Variants in ADCY3 observed in about 807,000 individuals in gnomAD.
ADCY3 encodes the protein adenylate cyclase type 3.
A neutral mutation model predicts 119.4 loss-of-function variants in ADCY3; 70 were observed. The observed-to-expected ratio is 0.59, with a 90% confidence interval of 0.48 to 0.72. ADCY3 has a LOEUF of 0.72. Among genes scored for constraint, ADCY3 ranks in the 30% least tolerant of loss-of-function variants. The pLI is 0.00. For missense variants in ADCY3, 1,238 were observed against 1,541.6 expected, an observed-to-expected ratio of 0.80 and a Z score of 3.30; for synonymous variants, 672 against 621.4, an observed-to-expected ratio of 1.08 and a Z score of -1.21.
intron 3 of ADCY3, among the ~76,000 whole-genome samples, chr2:24,860,414 G>A (rs1174624858): frequency 2.6e-5 from 4 of 152,270 alleles, no homozygotes; most frequent in African/African-American, 9.6e-5. Context: ...GAAGCGCCAT[G>A]GCACTGCCTG....
chr2:24,845,138 C>A lies in ADCY3; in HGVS notation c.826-2754G>T, dbSNP rs564454843. ...TTTTTCTTCCCAGTCTCAGGTATGT[C>A]TTTATCAGCAGCGTGAAAACGGACT... On this transcript the variant is annotated intron_variant, in intron 3 of 21. Coordinates refer to ENST00000679454, the MANE Select transcript of ADCY3 (RefSeq NM_004036.5). Among the ~76,000 whole-genome samples the A allele has an allele frequency of 2.1e-4, 32 of 152,324 alleles. 1 individual carries two copies. Among genetic ancestry groups the A allele is most frequent in the Admixed American group, 1.3e-3 (20 of 15,306 alleles).
intron 2 of ADCY3, among the ~76,000 whole-genome samples, chr2:24,913,129 A>G (rs1374678861): frequency 6.6e-6 from 1 of 152,118 alleles, no homozygotes; most frequent in Non-Finnish European, 1.5e-5. Context: ...GACTGGCTTG[A>G]GTTTGCCTCC....
At chr2:24,915,313 C>T (rs1219343843) in intron 2 of ADCY3, among the ~76,000 whole-genome samples, 2 of 152,156 alleles carry the variant, frequency 1.3e-5, no homozygotes, top group African/African-American at 2.4e-5. Context: ...AAGGCGGTGC[C>T]TGGGGTCTGG....
rs1675210532 is a variant in ADCY3 at position 24,872,923 on chromosome 2, C to T, written c.676-204G>A. Among the ~76,000 whole-genome samples the T allele has an allele frequency of 6.6e-6, 1 of 152,202 alleles. No individual in the cohort carries two copies. The highest frequency in any genetic ancestry group is 2.1e-4 in the South Asian group (1 of 4,834). On this transcript the variant is annotated intron_variant, in intron 2 of 21. Coordinates refer to ENST00000679454, the MANE Select transcript of ADCY3 (RefSeq NM_004036.5). The surrounding 1 kb of genome is among the most constrained non-coding windows in gnomAD (Gnocchi z 4.4). ...CATGTACCACGGATGGGTGGTCCACCCAGGGGCATGGCTCAAGGCCTGAAA... is the reference window on the plus strand; with the variant it reads ...CATGTACCACGGATGGGTGGTCCACTCAGGGGCATGGCTCAAGGCCTGAAA...
At position 24,820,125 on chromosome 2, in the gene ADCY3, A is replaced by C; in HGVS notation, c.3253-11T>G. 8.3e-7 allele frequency: 1 copy of C among 1,207,042 alleles called. No homozygotes were observed. The highest frequency in any genetic ancestry group is 1.1e-6 in the Non-Finnish European group (1 of 935,426). 74.8% of individuals were successfully genotyped at this position (1,207,042 alleles called of 1,614,324 possible). On this transcript the variant is annotated splice_polypyrimidine_tract_variant and intron_variant, in intron 21 of 21. Transcript: ENST00000679454. The stretch of plus-strand genomic sequence containing the variant: ...GGTTTCTTCTACCACCTGGAGAGGG[A>C]GGGGGAGCAAGAACGTGGCGTTACG...
chr2:24,844,560 G>T (rs1052135448), intron 3 of ADCY3, among the ~76,000 whole-genome samples: 1 of 152,172 alleles, frequency 6.6e-6, no homozygotes, highest in African/African-American at 2.4e-5. Flanking sequence ...AGGAGGAGGT[G>T]AAGGCTCAAC....
At chr2:24,833,640 G>A (rs559424334) in intron 11 of ADCY3, among the ~76,000 whole-genome samples, 4 of 152,344 alleles carry the variant, frequency 2.6e-5, no homozygotes, top group Admixed American at 2.6e-4. Flanking sequence ...GAGAGCAGGG[G>A]TTTCTGTGTG....
intron 3 of ADCY3, among the ~76,000 whole-genome samples, chr2:24,866,875 T>A (rs2148773777): frequency 6.6e-6 from 1 of 152,044 alleles, no homozygotes; most frequent in South Asian, 2.1e-4. Flanking sequence ...ATTAGGCCCA[T>A]CAAAACATTG....
intron 2 of ADCY3, among the ~76,000 whole-genome samples, chr2:24,906,592 G>T (rs1233976154): frequency 1.3e-5 from 2 of 152,230 alleles, no homozygotes; most frequent in African/African-American, 4.8e-5. Flanking sequence ...GTGGGCAGTG[G>T]GGTCGGCCCC....
intron 2 of ADCY3, among the ~76,000 whole-genome samples, chr2:24,881,875 G>A (rs747129263): frequency 1.3e-5 from 2 of 152,112 alleles, no homozygotes; most frequent in Non-Finnish European, 2.9e-5. Flanking sequence ...TCTAGTGGGC[G>A]GAGGCCAGGG....
At chr2:24,907,285 C>G (rs1288412597) in intron 2 of ADCY3, among the ~76,000 whole-genome samples, 1 of 151,282 alleles carries the variant, frequency 6.6e-6, no homozygotes, top group East Asian at 2.0e-4. Flanking sequence ...TCAGCCGACA[C>G]CAAACTACAC....
Position 24,860,213 on chromosome 2 carries a change from T to G in ADCY3, c.825+12357A>C, listed in dbSNP as rs576743608. Among the ~76,000 whole-genome samples, 5 of 152,348 alleles carry G rather than the reference T, an allele frequency of 3.3e-5. No individual in the cohort carries two copies. In the South Asian group the frequency reaches 1.0e-3, roughly 32 times the overall value. On this transcript the variant is annotated intron_variant, in intron 3 of 21. Transcript: ENST00000679454. ...GAGTGGGTTTTCTGGGTGCCGCCTG[T>G]TGCCAGGTGGCGGCTGGGGTGCTTA...
chr2:24,837,284 G>A (rs1445091633), intron 8 of ADCY3, among the ~76,000 whole-genome samples: 3 of 152,194 alleles, frequency 2.0e-5, no homozygotes, highest in African/African-American at 7.2e-5. Context: ...GGGAGAGCAG[G>A]TTATGGAGTG....
At chr2:24,862,808 G>T (rs1365530030) in intron 3 of ADCY3, among the ~76,000 whole-genome samples, 1 of 152,004 alleles carries the variant, frequency 6.6e-6, no homozygotes, top group African/African-American at 2.4e-5. Flanking sequence ...TTCAAAAAAA[G>T]TCCCAGATTA....
chr2:24,861,195 G>A (rs1412964070), intron 3 of ADCY3, among the ~76,000 whole-genome samples: 4 of 149,978 alleles, frequency 2.7e-5, no homozygotes, highest in Non-Finnish European at 5.9e-5. Flanking sequence ...AGGTTGTAGT[G>A]AGCCAAGATC....
intron 13 of ADCY3, among the ~76,000 whole-genome samples, chr2:24,830,287 C>G (rs1181249553): frequency 6.6e-6 from 1 of 152,124 alleles, no homozygotes; most frequent in Non-Finnish European, 1.5e-5. Flanking sequence ...GATCCGCCCA[C>G]CTTGGCCTCC....
At chr2:24,824,581 T>TG (rs773720426) in intron 16 of ADCY3, 45 bp from the exon 17 acceptor site, 1 of 1,593,810 alleles carries the variant, frequency 6.3e-7, no homozygotes, top group Non-Finnish European at 8.6e-7. Context: ...AGCTGGCCAC[T>TG]GGATAGAAGG....
chr2:24,836,494 G>A (rs991766029), intron 9 of ADCY3, among the ~76,000 whole-genome samples: 1 of 152,212 alleles, frequency 6.6e-6, no homozygotes, highest in Non-Finnish European at 1.5e-5. Context: ...CTAATTCCTC[G>A]CCTTTGGGGG....
At position 24,821,561 on chromosome 2, in the gene ADCY3, G is replaced by T. The variant is rs757689573; in HGVS notation, c.3083C>A (p.Thr1028Asn). Residue 1028 changes from threonine (T) to asparagine (N), a missense_variant, in exon 20 of 22, where the codon ACC (threonine) becomes AAC (asparagine). Physicochemically the swap from Thr to Asn is moderately conservative, Grantham distance 65. Transcript: ENST00000679454. ...DFALAMKDTL[T>N]NINNQSFNNF... ...ATTGAAGGACTGGTTGTTGATGTTG[G>T]TGAGCGTATCCTTCATGGCCAGCGC... 13 of 1,614,052 alleles carry T rather than the reference G, an allele frequency of 8.1e-6. No individual in the cohort carries two copies. The highest frequency in any genetic ancestry group is 1.0e-5 in the Non-Finnish European group (12 of 1,180,010).
Sources: gnomAD v4.1 joint callset for allele counts (sites outside exome capture counted in the v4.1 genomes callset) on GRCh38, gnomAD v4.1.1 for gene constraint, Gnocchi (gnomAD v3.1) non-coding constraint, MANE v1.5 for transcripts, NCBI Gene and HGNC (gene_info 2026-07-23, HGNC 2026-07-21) for gene names.